DNAJB4: variants seen among roughly 807,000 people sequenced by gnomAD.
The protein encoded by DNAJB4 is dnaJ homolog subfamily B member 4.
Under a neutral mutation model 26.6 loss-of-function variants are expected in DNAJB4, and 10 were observed. The observed-to-expected ratio is 0.38, with a 90% CI of 0.23 to 0.64. The LOEUF is 0.64. DNAJB4 is among the 30% of genes least tolerant of loss of function. The probability of loss-of-function intolerance (pLI) is 0.58; values close to 1 mark genes in which losing one functional copy is unlikely to be tolerated. For missense variants in DNAJB4, 328 were observed against 408.2 expected (o/e 0.80, Z 1.69); for synonymous variants, 136 against 134.8 (o/e 1.01, Z -0.06).
At chr1:78,010,180 C>T (rs374581214) in intron 1 of DNAJB4, among the ~76,000 whole-genome samples, 2 of 152,208 alleles carry the variant, frequency 1.3e-5, no homozygotes, top group East Asian at 3.9e-4. Flanking sequence ...TCTTTCTTTT[C>T]ATGAATTCAT....
At chr1:77,997,410 G>C (rs1660089202) in intron 1 of DNAJB4, among the ~76,000 whole-genome samples, 1 of 151,298 alleles carries the variant, frequency 6.6e-6, no homozygotes, top group Non-Finnish European at 1.5e-5. Context: ...TGTAATACCA[G>C]TTACTTGGGA....
intron 1 of DNAJB4, 22 bp downstream of exon 1, chr1:78,005,343 T>C (rs199794967): frequency 1.3e-5 from 21 of 1,572,708 alleles, no homozygotes; most frequent in Non-Finnish European, 3.4e-6. Context: ...CTGTATATCT[T>C]TCTGTCTCTT....
intron 1 of DNAJB4, among the ~76,000 whole-genome samples, chr1:77,982,113 CCATAG>C (rs1174033922): frequency 2.6e-5 from 4 of 152,156 alleles, no homozygotes; most frequent in Non-Finnish European, 5.9e-5. Context: ...TTAGCTTATT[CCATAG>C]CATACATTAC....
At chr1:77,990,003 TAAAC>T in intron 1 of DNAJB4, among the ~76,000 whole-genome samples, 1 of 152,340 alleles carries the variant, frequency 6.6e-6, no homozygotes, top group South Asian at 2.1e-4. Flanking sequence ...TGTCTGCCCT[TAAAC>T]AATCACTGGC....
intron 1 of DNAJB4, among the ~76,000 whole-genome samples, chr1:77,998,830 G>A (rs1660125518): frequency 7.1e-6 from 1 of 140,474 alleles, no homozygotes; most frequent in African/African-American, 2.5e-5. Flanking sequence ...GCAACAGAGT[G>A]AGATCCTGTC....
chr1:77,997,357 A>G (rs1037280632), intron 1 of DNAJB4, among the ~76,000 whole-genome samples: 1 of 150,926 alleles, frequency 6.6e-6, no homozygotes, highest in Non-Finnish European at 1.5e-5. Context: ...CTATATCTAT[A>G]TATCTATATA....
chr1:77,996,556 A>G (rs538479603), intron 1 of DNAJB4, among the ~76,000 whole-genome samples: 1 of 152,206 alleles, frequency 6.6e-6, no homozygotes, highest in South Asian at 2.1e-4. Flanking sequence ...GTTTTTTGAA[A>G]GGTAGGTACT....
chr1:77,999,102 A>T (rs908822591), intron 1 of DNAJB4, among the ~76,000 whole-genome samples: 1 of 152,168 alleles, frequency 6.6e-6, no homozygotes, highest in Non-Finnish European at 1.5e-5. Flanking sequence ...CTGGTTTTTT[A>T]GGAAATTATA....
intron 1 of DNAJB4, among the ~76,000 whole-genome samples, chr1:77,986,807 G>T (rs527734437): frequency 2.6e-4 from 39 of 152,314 alleles, no homozygotes; most frequent in African/African-American, 9.4e-4. Context: ...CAGGGGTAGA[G>T]TGGCTCTAAG....
chr1:77,995,262 CT>C (rs1660033645), intron 1 of DNAJB4, among the ~76,000 whole-genome samples: 1 of 152,062 alleles, frequency 6.6e-6, no homozygotes, highest in Non-Finnish European at 1.5e-5. Flanking sequence ...TTTGTTTTTA[CT>C]TTAAAAAAAT....
intron 1 of DNAJB4, among the ~76,000 whole-genome samples, chr1:77,982,745 C>T (rs1039213750): frequency 6.6e-6 from 1 of 152,232 alleles, no homozygotes; most frequent in Admixed American, 6.5e-5. Context: ...TTGCAGTGAG[C>T]TGAGATCGCA....
rs1660301600 is a variant in DNAJB4 at position 78,005,317 on chromosome 1, G to A, written c.207G>A (p.Glu69=). ...KKREIYDQFG[E]EGLKGGAGGT... ...GAGAAATATATGATCAGTTTGGGGA[G>A]GAAGGTAAGTATTCTCTGTATATCT... Residue 69 remains glutamate, a synonymous_variant, in exon 1 of 3, where the codon GAG becomes GAA. Transcript: ENST00000370763. 2 of 1,610,836 alleles carry A rather than the reference G, an allele frequency of 1.2e-6. No individual in the cohort carries two copies. The highest frequency in any genetic ancestry group is 1.7e-5 in the Admixed American group (1 of 59,482).
intron 1 of DNAJB4, among the ~76,000 whole-genome samples, chr1:77,999,397 T>C (rs960149823): frequency 1.3e-5 from 2 of 151,792 alleles, no homozygotes; most frequent in Non-Finnish European, 2.9e-5. Context: ...TAAAGTATTA[T>C]ATAAATGTTA....
chr1:77,988,098 C>T (rs1212739283), intron 1 of DNAJB4, among the ~76,000 whole-genome samples: 3 of 146,594 alleles, frequency 2.0e-5, no homozygotes, highest in Non-Finnish European at 4.5e-5. Flanking sequence ...AATCAGAGCT[C>T]ACTGTAACCT....
At chr1:77,980,793 C>T (rs1409748647) in intron 1 of DNAJB4, among the ~76,000 whole-genome samples, 2 of 152,256 alleles carry the variant, frequency 1.3e-5, no homozygotes, top group East Asian at 3.9e-4. Context: ...CATCATTTCC[C>T]TTTAATCAGC....
chr1:78,012,159 CT>C (rs1270987929), intron 1 of DNAJB4, among the ~76,000 whole-genome samples: 136 of 88,812 alleles, frequency 1.5e-3, no homozygotes, highest in African/African-American at 5.7e-3. Context: ...CTTTTCTTTT[CT>C]TTTTTTTTTT....
chr1:77,989,495 T>C (rs1056826949), intron 1 of DNAJB4, among the ~76,000 whole-genome samples: 11 of 152,230 alleles, frequency 7.2e-5, no homozygotes, highest in African/African-American at 2.7e-4. Flanking sequence ...CTAGCTTTTA[T>C]TGGTCACAAT....
intron 1 of DNAJB4, among the ~76,000 whole-genome samples, chr1:77,996,529 A>G (rs944456675): frequency 2.6e-5 from 4 of 152,130 alleles, no homozygotes; most frequent in African/African-American, 9.7e-5. Flanking sequence ...ATACATTTAA[A>G]GCAATTTTAT....
chr1:78,012,739 G>A (rs937317808), intron 1 of DNAJB4, among the ~76,000 whole-genome samples: 4 of 152,128 alleles, frequency 2.6e-5, no homozygotes, highest in Admixed American at 1.3e-4. Context: ...AACCTGGGAG[G>A]CGGAGGTTGC....
Sources: gnomAD v4.1 joint callset for allele counts (sites outside exome capture counted in the v4.1 genomes callset) on GRCh38, gnomAD v4.1.1 for gene constraint, MANE v1.5 for transcripts, NCBI Gene and HGNC (gene_info 2026-07-23, HGNC 2026-07-21) for gene names.